MAGI2: variants seen among roughly 807,000 people sequenced by gnomAD.
MAGI2 encodes the protein membrane-associated guanylate kinase, WW and PDZ domain-containing protein 2.
A neutral mutation model predicts 133.3 loss-of-function variants in MAGI2; 35 were observed. The ratio of observed to expected loss-of-function variants is 0.26; its 90% CI spans 0.20 to 0.35. MAGI2 has a LOEUF of 0.35. Ranked by LOEUF, MAGI2 falls within the 10% of genes least tolerant of loss-of-function variation. MAGI2 has a pLI of 1.00. For synonymous variants in MAGI2, 729 were observed against 710.6 expected (o/e 1.03, Z -0.41); for missense variants, 1,636 against 1,863.4 (o/e 0.88, Z 2.25).
chr7:78,065,234 G>C (rs1042883379), intron 21 of MAGI2, among the ~76,000 whole-genome samples: 1 of 152,184 alleles, frequency 6.6e-6, no homozygotes, highest in Admixed American at 6.5e-5. Flanking sequence ...CTTTGGCTGA[G>C]AGGAAACAAA....
At chr7:78,373,547 TCTTACTATTGG>T (rs71296579) in intron 6 of MAGI2, among the ~76,000 whole-genome samples, 74,965 of 147,978 alleles carry the variant, frequency 0.51, 19,063 homozygotes, top group Middle Eastern at 0.61. Flanking sequence ...GGTCACTTAC[TCTTACTATTGG>T]AGGGCTCCTA....
chr7:78,637,431 T>TA (rs201371316), intron 2 of MAGI2, among the ~76,000 whole-genome samples: 2,458 of 135,840 alleles, frequency 0.018, 33 homozygotes, highest in Non-Finnish European at 0.025. Flanking sequence ...GATAATATGT[T>TA]AAAAAAAAAA....
At chr7:78,509,235 G>A (rs567545828) in intron 4 of MAGI2, 3 of 152,148 alleles carry the variant, frequency 2.0e-5, no homozygotes, top group South Asian at 4.2e-4. Context: ...GTGGGACTAG[G>A]ACTGTTAAAT....
chr7:78,543,337 T>G (rs777477930), intron 3 of MAGI2, among the ~76,000 whole-genome samples: 68 of 152,202 alleles, frequency 4.5e-4, no homozygotes, highest in Non-Finnish European at 8.8e-4. Context: ...ACTAGAGACA[T>G]CTATCTAATA....
intron 6 of MAGI2, among the ~76,000 whole-genome samples, chr7:78,481,530 C>T (rs7780645): frequency 0.37 from 56,391 of 151,558 alleles, 10,957 homozygotes; most frequent in East Asian, 0.61. Context: ...ATCAGTCACT[C>T]TACCCAAATA....
At chr7:79,357,327 C>T (rs2129117758) in intron 1 of MAGI2, among the ~76,000 whole-genome samples, 1 of 152,216 alleles carries the variant, frequency 6.6e-6, no homozygotes, top group East Asian at 1.9e-4. Context: ...CTGAACCAGG[C>T]ATCTTATGCA....
intron 2 of MAGI2, among the ~76,000 whole-genome samples, chr7:78,952,372 T>C (rs1008835751): frequency 6.6e-6 from 1 of 152,170 alleles, no homozygotes; most frequent in Non-Finnish European, 1.5e-5. Flanking sequence ...CACTGCTTTT[T>C]CTTTTCTGTC....
chr7:78,694,328 A>T (rs1021480696), intron 2 of MAGI2, among the ~76,000 whole-genome samples: 6 of 152,220 alleles, frequency 3.9e-5, no homozygotes, highest in African/African-American at 1.4e-4. Context: ...TGGAAAGGTA[A>T]ATAATGCTAA....
intron 6 of MAGI2, among the ~76,000 whole-genome samples, chr7:78,455,325 G>A (rs1162141356): frequency 1.3e-5 from 2 of 152,036 alleles, no homozygotes; most frequent in Admixed American, 6.6e-5. Context: ...TTTCTTACTA[G>A]TTTCTCATTG....
chr7:78,348,777 G>GACAACA (rs371389494), intron 7 of MAGI2, among the ~76,000 whole-genome samples: 12 of 152,072 alleles, frequency 7.9e-5, no homozygotes, highest in African/African-American at 2.9e-4. Flanking sequence ...AAGATTTGAG[G>GACAACA]ACAACAACAA....
intron 20 of MAGI2, among the ~76,000 whole-genome samples, chr7:78,088,625 G>T (rs184112327): frequency 1.2e-3 from 178 of 152,292 alleles, no homozygotes; most frequent in African/African-American, 3.9e-3. Flanking sequence ...AGTTACAGGG[G>T]CTGAGTGAGA....
At chr7:79,099,804 T>A (rs1047048567) in intron 1 of MAGI2, among the ~76,000 whole-genome samples, 5 of 152,232 alleles carry the variant, frequency 3.3e-5, no homozygotes, top group African/African-American at 9.6e-5. Context: ...AAGGATGTGA[T>A]CTTGTCCTTT....
chr7:78,219,517 G>C (rs917981125), intron 10 of MAGI2, among the ~76,000 whole-genome samples: 8 of 151,986 alleles, frequency 5.3e-5, no homozygotes, highest in South Asian at 2.1e-4. Flanking sequence ...AGGGCCTCTC[G>C]TACTACTGAA....
intron 2 of MAGI2, among the ~76,000 whole-genome samples, chr7:78,938,660 T>C (rs1320085049): frequency 6.6e-6 from 1 of 152,138 alleles, no homozygotes. Context: ...ACTGGGCTAC[T>C]TAGATATCAC....
intron 11 of MAGI2, among the ~76,000 whole-genome samples, chr7:78,200,129 T>C (rs1335805173): frequency 6.6e-6 from 1 of 152,216 alleles, no homozygotes; most frequent in Admixed American, 6.5e-5. Flanking sequence ...TCCCATCTAA[T>C]GTTCTTTGTG....
chr7:79,167,273 C>T (rs1825027456), intron 1 of MAGI2, among the ~76,000 whole-genome samples: 1 of 151,332 alleles, frequency 6.6e-6, no homozygotes, highest in Admixed American at 6.6e-5. Flanking sequence ...TTCCAAAATC[C>T]TTGAAATAGC....
chr7:78,437,963 A>G (rs913542597), intron 6 of MAGI2, among the ~76,000 whole-genome samples: 1 of 152,198 alleles, frequency 6.6e-6, no homozygotes. Flanking sequence ...AAATGAAGTA[A>G]TAAAATGCCA....
intron 1 of MAGI2, among the ~76,000 whole-genome samples, chr7:79,409,644 A>T (rs927005579): frequency 9.2e-5 from 14 of 152,240 alleles, no homozygotes; most frequent in African/African-American, 3.4e-4. Flanking sequence ...TAAGCAAAAC[A>T]CTTTCATAAT....
chr7:79,094,430 T>C (rs1265002718), intron 1 of MAGI2, among the ~76,000 whole-genome samples: 1 of 152,230 alleles, frequency 6.6e-6, no homozygotes, highest in African/African-American at 2.4e-5. Context: ...AAGCCATCCA[T>C]GAGGGTTGGA....
Sources: gnomAD v4.1 joint callset for allele counts (sites outside exome capture counted in the v4.1 genomes callset) on GRCh38, gnomAD v4.1.1 for gene constraint, MANE v1.5 for transcripts, NCBI Gene and HGNC (gene_info 2026-07-23, HGNC 2026-07-21) for gene names.